Variants in PHF24 observed in about 807,000 individuals in gnomAD.
PHF24 encodes PHD finger protein 24, also known as Galpha inhibitory interacting protein.
PHF24 carries 25 observed loss-of-function variants against 42.6 expected under a neutral mutation model. That is an observed-to-expected ratio of 0.59 (90% CI 0.43 to 0.82). The LOEUF (loss-of-function observed/expected upper bound fraction) is 0.82. Ranked by LOEUF, PHF24 falls within the 40% of genes least tolerant of loss-of-function variation. PHF24 has a pLI of 0.00. For missense variants in PHF24, 470 were observed against 538.1 expected, an observed-to-expected ratio of 0.87 and a Z score of 1.25; for synonymous variants, 185 against 204.8, an observed-to-expected ratio of 0.90 and a Z score of 0.83.
At chr9:34,972,017 C>T (rs1724505607) in intron 2 of PHF24, among the ~76,000 whole-genome samples, 1 of 152,078 alleles carries the variant, frequency 6.6e-6, no homozygotes, top group East Asian at 1.9e-4. Context: ...GTCACAACAC[C>T]AGGTGGCTAC....
chr9:34,924,660 G>C, the PHF24 span, among the ~76,000 whole-genome samples: 1 of 151,986 alleles, frequency 6.6e-6, no homozygotes, highest in Non-Finnish European at 1.5e-5. Context: ...CAGTCTATTT[G>C]TGTCTTTATA....
At chr9:34,935,429 A>G in the PHF24 span, among the ~76,000 whole-genome samples, 3 of 152,142 alleles carry the variant, frequency 2.0e-5, no homozygotes, top group Non-Finnish European at 2.9e-5. Flanking sequence ...CCTCATCTCA[A>G]CTAAAAATAC....
chr9:34,950,908 A>G, the PHF24 span, among the ~76,000 whole-genome samples: 2 of 152,192 alleles, frequency 1.3e-5, no homozygotes, highest in Non-Finnish European at 2.9e-5. Context: ...AAAGACCAAT[A>G]AAATTGACAA....
the PHF24 span, among the ~76,000 whole-genome samples, chr9:34,920,500 A>C: frequency 1.3e-5 from 2 of 152,130 alleles, no homozygotes. Context: ...TTGTGGTTCC[A>C]TATGAAATTT....
chr9:34,970,026 C>T (rs927335512), intron 1 of PHF24, among the ~76,000 whole-genome samples: 2 of 152,218 alleles, frequency 1.3e-5, no homozygotes, highest in Non-Finnish European at 2.9e-5. Context: ...AGTGGTGAGA[C>T]TGTTCTCCTG....
the PHF24 span, among the ~76,000 whole-genome samples, chr9:34,873,474 T>C: frequency 1.3e-4 from 19 of 150,918 alleles, no homozygotes; most frequent in African/African-American, 4.6e-4. Context: ...CCTTTCCCCA[T>C]TTCTTGTTTT....
chr9:34,960,656 G>T (rs528380677), intron 1 of PHF24, among the ~76,000 whole-genome samples: 50 of 152,268 alleles, frequency 3.3e-4, no homozygotes, highest in Non-Finnish European at 5.0e-4. Flanking sequence ...TGTTGAGGGT[G>T]CTTATTATCA....
At chr9:34,938,675 A>G in the PHF24 span, among the ~76,000 whole-genome samples, 3 of 152,170 alleles carry the variant, frequency 2.0e-5, no homozygotes, top group African/African-American at 7.2e-5. Context: ...CACGCCTGTA[A>G]TCCCAGCACT....
the PHF24 span, among the ~76,000 whole-genome samples, chr9:34,904,364 C>A: frequency 6.6e-6 from 1 of 152,070 alleles, no homozygotes; most frequent in Non-Finnish European, 1.5e-5. Flanking sequence ...GTGGGTTTGT[C>A]GTGGATGGCT....
chr9:34,680,610 C>T, the PHF24 span, among the ~76,000 whole-genome samples: 1 of 143,718 alleles, frequency 7.0e-6, no homozygotes, highest in African/African-American at 2.5e-5. Context: ...ATGGCGTGAA[C>T]CCGGGAGGCG....
chr9:34,918,043 C>A, the PHF24 span: 1 of 1,311,216 alleles, frequency 7.6e-7, no homozygotes, highest in Non-Finnish European at 1.1e-6. Flanking sequence ...GCCTGTGATC[C>A]CAAAGGAGGC....
chr9:34,777,565 G>A, the PHF24 span, among the ~76,000 whole-genome samples: 13 of 152,292 alleles, frequency 8.5e-5, no homozygotes, highest in East Asian at 1.7e-3. Context: ...GGTGGAAAAT[G>A]CATGCCTCTC....
the PHF24 span, chr9:34,709,008 G>A: frequency 4.1e-6 from 1 of 241,018 alleles, no homozygotes; most frequent in African/African-American, 2.3e-5. Flanking sequence ...CAGGTACTTG[G>A]GTGGGAAGAC....
the PHF24 span, chr9:34,922,620 A>C: frequency 9.9e-7 from 1 of 1,012,974 alleles, no homozygotes; most frequent in Non-Finnish European, 1.6e-6. Context: ...AACTTTTCCA[A>C]AAGGGACAGT....
the PHF24 span, among the ~76,000 whole-genome samples, chr9:34,741,503 C>T: frequency 6.6e-6 from 1 of 152,138 alleles, no homozygotes; most frequent in Non-Finnish European, 1.5e-5. Flanking sequence ...GCTGGGATTA[C>T]AGGCATGTGC....
the PHF24 span, among the ~76,000 whole-genome samples, chr9:34,863,415 CAGAGAGAGAGAGAGAGAGAGAGAG>C: frequency 6.8e-6 from 1 of 146,966 alleles, no homozygotes; most frequent in Non-Finnish European, 1.5e-5. Flanking sequence ...GCTGGCTCAT[CAGAGAGAGAGAGAGAGAGAGAGAG>C]AGAGAGAGAG....
the PHF24 span, among the ~76,000 whole-genome samples, chr9:34,856,238 G>A: frequency 6.6e-6 from 1 of 152,262 alleles, no homozygotes; most frequent in South Asian, 2.1e-4. Flanking sequence ...GCCCAGTGAA[G>A]TTCATCATTA....
chr9:34,728,515 G>T, the PHF24 span: 1 of 1,232,730 alleles, frequency 8.1e-7, no homozygotes, highest in Non-Finnish European at 1.2e-6. Context: ...CAGTGGCAGA[G>T]CACCTGGCTC....
chr9:34,767,797 C>G, the PHF24 span, among the ~76,000 whole-genome samples: 1 of 152,238 alleles, frequency 6.6e-6, no homozygotes, highest in African/African-American at 2.4e-5. Flanking sequence ...TCTTCTGCGT[C>G]GCTCACGCTG....
Sources: allele counts gnomAD v4.1 joint callset (sites outside exome capture counted in the v4.1 genomes callset), GRCh38; gene constraint gnomAD v4.1.1; transcripts MANE v1.5; gene names NCBI Gene and HGNC (gene_info 2026-07-23, HGNC 2026-07-21).